Variants in RAPGEF2 observed in about 807,000 individuals in gnomAD.
RAPGEF2 encodes Rap guanine nucleotide exchange factor 2.
Under a neutral mutation model 186.7 loss-of-function variants are expected in RAPGEF2, and 54 were observed. The observed-to-expected ratio is 0.29, with a 90% CI of 0.23 to 0.36. The LOEUF (loss-of-function observed/expected upper bound fraction) is 0.36. Ranked by LOEUF, RAPGEF2 falls within the 10% of genes least tolerant of loss-of-function variation. The pLI is 1.00. For synonymous variants in RAPGEF2, 712 were observed against 705.9 expected (o/e 1.01, Z -0.14); for missense variants, 1,532 against 2,045.0 (o/e 0.75, Z 4.84).
At chr4:159,334,950 T>G (rs369666629) in intron 17 of RAPGEF2, among the ~76,000 whole-genome samples, 1 of 147,558 alleles carries the variant, frequency 6.8e-6, no homozygotes, top group East Asian at 1.9e-4. Flanking sequence ...AAAAAATAAT[T>G]AAAGGAAGTT....
At chr4:159,245,887 C>T (rs1754574394) in intron 7 of RAPGEF2, among the ~76,000 whole-genome samples, 2 of 152,196 alleles carry the variant, frequency 1.3e-5, no homozygotes, top group South Asian at 4.1e-4. Context: ...TCCCAACTGA[C>T]ATTTCATAAT....
chr4:159,325,644 A>G (rs1029421917), intron 11 of RAPGEF2, among the ~76,000 whole-genome samples: 1 of 152,082 alleles, frequency 6.6e-6, no homozygotes, highest in African/African-American at 2.4e-5. Context: ...ATACCCCTTA[A>G]TTAGCCAGAC....
chr4:159,161,619 G>A (rs940952228), intron 1 of RAPGEF2, among the ~76,000 whole-genome samples: 5 of 152,104 alleles, frequency 3.3e-5, no homozygotes, highest in Admixed American at 2.0e-4. Flanking sequence ...CAGGAGGATC[G>A]ATTGAGCCTG....
intron 2 of RAPGEF2, among the ~76,000 whole-genome samples, chr4:159,191,807 G>A (rs1021599603): frequency 6.6e-6 from 1 of 152,084 alleles, no homozygotes; most frequent in Admixed American, 6.5e-5. Flanking sequence ...TGGGAAAAAA[G>A]CAAAATATAG....
chr4:159,295,601 A>C (rs984701170), intron 7 of RAPGEF2, among the ~76,000 whole-genome samples: 3 of 152,118 alleles, frequency 2.0e-5, no homozygotes, highest in Non-Finnish European at 4.4e-5. Flanking sequence ...AAACATTTTC[A>C]ATGACACTTT....
chr4:159,329,716 G>C, intron 11 of RAPGEF2, 142 bp from the exon 12 acceptor site: 2 of 595,136 alleles, frequency 3.4e-6, no homozygotes, highest in Non-Finnish European at 5.5e-6. Context: ...TCTGATTAAG[G>C]TTCATTACAG....
rs753485372 is a variant in RAPGEF2 at position 159,346,839 on chromosome 4, G to A, written c.3553G>A (p.Val1185Ile). 5.0e-6 allele frequency: 8 copies of A among 1,614,118 alleles called. No homozygotes were observed. The highest frequency in any genetic ancestry group is 1.3e-5 in the African/African-American group (1 of 75,024). The change falls in exon 25 of 30, where the codon GTA (valine) becomes ATA (isoleucine). Residue 1185 changes from valine (V) to isoleucine (I), a missense_variant. By Grantham distance (29) the Val-to-Ile change is conservative. This residue lies in a region of RAPGEF2 where 594 missense variants were observed against 608.5 expected (regional missense o/e 0.98). Coordinates refer to ENST00000691494, the MANE Select transcript of RAPGEF2 (RefSeq NM_001394067.2). ...GCCTGTCAAATCCGAGACCTCTCCAGTAGCTCCAAGGGCAGGGTCACAACA... is the reference window on the plus strand; with the variant it reads ...GCCTGTCAAATCCGAGACCTCTCCAATAGCTCCAAGGGCAGGGTCACAACA... ...KKPVKSETSP[V>I]APRAGSQQKA...
intron 4 of RAPGEF2, among the ~76,000 whole-genome samples, chr4:159,213,887 T>G (rs896855182): frequency 6.6e-6 from 1 of 152,230 alleles, no homozygotes; most frequent in South Asian, 2.1e-4. Context: ...TTTAATCTAC[T>G]AGAAATTTGT....
chr4:159,323,544 G>C lies in RAPGEF2; in HGVS notation c.1076G>C (p.Ser359Thr), dbSNP rs1765520496. The stretch of plus-strand genomic sequence containing the variant: ...GCAGAAATACTGTGCATGGGAAATA[G>C]TTTTGGTGTCTCTCCTACCATGGAC... ...GKAEILCMGN[S>T]FGVSPTMDKE... Residue 359 changes from serine (S) to threonine (T), a missense_variant, in exon 11 of 30, where the codon AGT becomes ACT. Around this residue, in one of 4 missense-constraint regions of RAPGEF2, gnomAD observed 810 missense variants for 1,210.5 expected, o/e 0.67. Transcript: ENST00000691494. 6.2e-7 allele frequency: 1 copy of C among 1,613,160 alleles called. No homozygotes were observed. Among genetic ancestry groups the C allele is most frequent in the African/African-American group, 1.3e-5 (1 of 74,866 alleles).
chr4:159,159,721 C>G (rs1329986149), intron 1 of RAPGEF2, among the ~76,000 whole-genome samples: 1 of 152,154 alleles, frequency 6.6e-6, no homozygotes, highest in Non-Finnish European at 1.5e-5. Context: ...ATTATAATAA[C>G]AATTCTACAA....
At chr4:159,308,085 A>T (rs773985603) in intron 8 of RAPGEF2, among the ~76,000 whole-genome samples, 1 of 152,234 alleles carries the variant, frequency 6.6e-6, no homozygotes, top group African/African-American at 2.4e-5. Context: ...GGAAATGCAG[A>T]TGGTACTTCT....
rs1760711930 is a variant in RAPGEF2 at position 159,287,859 on chromosome 4, AG to A, written c.544-16482del. ...CACCTCTCTTGATATCGGTTCCTAC[AG>A]CTGTGAAATGTGAAGATTATACTAA... On this transcript the variant is annotated intron_variant, in intron 7 of 29. Coordinates refer to ENST00000691494, the MANE Select transcript of RAPGEF2 (RefSeq NM_001394067.2). Among the ~76,000 whole-genome samples the A allele has an allele frequency of 2.0e-5, 3 of 152,194 alleles. 1 individual carries two copies. The South Asian group carries it at 6.2e-4, about 32-fold the overall frequency.
At chr4:159,167,646 T>C (rs562421456) in intron 1 of RAPGEF2, among the ~76,000 whole-genome samples, 1 of 152,328 alleles carries the variant, frequency 6.6e-6, no homozygotes, top group Admixed American at 6.5e-5. Context: ...TTAATATTGT[T>C]TGTCTTACTA....
At chr4:159,159,923 A>G (rs1744527292) in intron 1 of RAPGEF2, among the ~76,000 whole-genome samples, 2 of 152,246 alleles carry the variant, frequency 1.3e-5, no homozygotes, top group Non-Finnish European at 2.9e-5. Flanking sequence ...TGAGCCAATT[A>G]TAACACAGGT....
At chr4:159,321,911 T>G (rs899109321) in intron 9 of RAPGEF2, among the ~76,000 whole-genome samples, 4 of 152,228 alleles carry the variant, frequency 2.6e-5, no homozygotes, top group African/African-American at 4.8e-5. Context: ...TTAGAATGTT[T>G]GAATTAAATA....
intron 7 of RAPGEF2, among the ~76,000 whole-genome samples, chr4:159,288,285 A>G (rs1261987688): frequency 6.6e-6 from 1 of 152,210 alleles, no homozygotes. Context: ...ATCCACTCAC[A>G]TAATCTGTAG....
At chr4:159,256,821 T>A (rs28883584) in intron 7 of RAPGEF2, among the ~76,000 whole-genome samples, 5,387 of 152,314 alleles carry the variant, frequency 0.035, 292 homozygotes, top group African/African-American at 0.12. Flanking sequence ...TTTTCATGTT[T>A]GTTGGCTGCA....
intron 24 of RAPGEF2, among the ~76,000 whole-genome samples, chr4:159,345,631 G>T (rs898603449): frequency 6.6e-6 from 1 of 152,130 alleles, no homozygotes; most frequent in Non-Finnish European, 1.5e-5. Flanking sequence ...TATAGATATG[G>T]CTCCCATTTA....
intron 3 of RAPGEF2, among the ~76,000 whole-genome samples, chr4:159,205,987 G>A (rs991432803): frequency 1.3e-5 from 2 of 151,532 alleles, no homozygotes; most frequent in Non-Finnish European, 2.9e-5. Context: ...GGAGTGCAGT[G>A]GTGCAATCTT....
Sources: gnomAD v4.1 joint callset for allele counts (sites outside exome capture counted in the v4.1 genomes callset) on GRCh38, gnomAD v4.1.1 for gene constraint, gnomAD v4.1.1 regional missense constraint, MANE v1.5 for transcripts, NCBI Gene and HGNC (gene_info 2026-07-23, HGNC 2026-07-21) for gene names.